The following TTLL5 variants were observed in gnomAD, a reference collection of about 807,000 sequenced individuals.
The protein encoded by TTLL5 is tubulin polyglutamylase TTLL5.
In TTLL5, 132 loss-of-function variants were observed where a neutral mutation model predicts 168.4. The observed-to-expected ratio is 0.78, with a 90% confidence interval of 0.68 to 0.91. TTLL5 has a LOEUF of 0.91. Ranked by LOEUF, TTLL5 falls within the 40% of genes least tolerant of loss-of-function variation. The pLI, the probability that TTLL5 is intolerant of heterozygous loss-of-function variation, is 0.00. For synonymous variants in TTLL5, 546 were observed against 558.6 expected (o/e 0.98, Z 0.32); for missense variants, 1,545 against 1,581.5 (o/e 0.98, Z 0.39).
At chr14:75,766,453 G>A (rs1162330961) in intron 20 of TTLL5, 85 bp downstream of exon 20, 3 of 1,253,006 alleles carry the variant, frequency 2.4e-6, no homozygotes, top group African/African-American at 3.0e-5. Flanking sequence ...TGGTTTTACA[G>A]TCATTTTTCA....
intron 12 of TTLL5, among the ~76,000 whole-genome samples, chr14:75,726,024 A>C (rs942282786): frequency 6.6e-6 from 1 of 152,222 alleles, no homozygotes; most frequent in Non-Finnish European, 1.5e-5. Flanking sequence ...ATAGCATTTC[A>C]GTGACAGTGA....
intron 28 of TTLL5, among the ~76,000 whole-genome samples, chr14:75,835,947 T>A (rs1363440927): frequency 6.6e-6 from 1 of 152,180 alleles, no homozygotes; most frequent in Non-Finnish European, 1.5e-5. Flanking sequence ...CTAGTTGGAA[T>A]GTAATTAGTA....
intron 23 of TTLL5, among the ~76,000 whole-genome samples, chr14:75,777,206 G>A (rs955866431): frequency 8.5e-5 from 13 of 152,200 alleles, no homozygotes; most frequent in South Asian, 2.1e-4. Context: ...CTGCTGGGTA[G>A]CAGGGCTGTA....
At chr14:75,849,689 T>C (rs1896743871) in intron 28 of TTLL5, among the ~76,000 whole-genome samples, 1 of 152,228 alleles carries the variant, frequency 6.6e-6, no homozygotes, top group Non-Finnish European at 1.5e-5. Flanking sequence ...AGAATTACTT[T>C]GGTAAGAGAA....
chr14:75,724,622 T>C (rs542797185), intron 12 of TTLL5, among the ~76,000 whole-genome samples: 2 of 152,116 alleles, frequency 1.3e-5, no homozygotes, highest in Non-Finnish European at 2.9e-5. Context: ...AGTTAGTGAG[T>C]GAAATAACTC....
chr14:75,702,909 T>C (rs1375341809), intron 7 of TTLL5, among the ~76,000 whole-genome samples: 2 of 152,164 alleles, frequency 1.3e-5, no homozygotes, highest in Non-Finnish European at 2.9e-5. Flanking sequence ...GCGGACATAA[T>C]GGGAAAATAC....
intron 28 of TTLL5, among the ~76,000 whole-genome samples, chr14:75,829,716 A>G (rs537672444): frequency 2.0e-4 from 30 of 152,342 alleles, no homozygotes; most frequent in African/African-American, 6.7e-4. Context: ...ATTCAGTCCC[A>G]GGTGTATAGG....
At chr14:75,674,226 G>A (rs188072496) in intron 3 of TTLL5, among the ~76,000 whole-genome samples, 90 of 152,202 alleles carry the variant, frequency 5.9e-4, no homozygotes, top group African/African-American at 2.1e-3. Context: ...ATCTTTCCCA[G>A]TTCCTTGTGG....
chr14:75,744,843 T>C (rs2140258154), intron 15 of TTLL5: 1 of 264,260 alleles, frequency 3.8e-6, no homozygotes, highest in East Asian at 6.7e-5. Context: ...ACCTCATTCT[T>C]TCTTTCTTCT....
chr14:75,910,241 CT>C (rs1000293429), intron 31 of TTLL5, among the ~76,000 whole-genome samples: 16 of 152,312 alleles, frequency 1.1e-4, no homozygotes, highest in Non-Finnish European at 2.4e-4. Context: ...ACAGTGGCCC[CT>C]TTCTCAAATT....
chr14:75,755,649 A>G (rs987271537), intron 18 of TTLL5, among the ~76,000 whole-genome samples: 1 of 152,154 alleles, frequency 6.6e-6, no homozygotes, highest in African/African-American at 2.4e-5. Context: ...TGTCAGTATC[A>G]AGAACCTACC....
intron 31 of TTLL5, chr14:75,906,571 C>T (rs2033156196): frequency 1.0e-6 from 1 of 985,700 alleles, no homozygotes; most frequent in Non-Finnish European, 1.2e-6. Flanking sequence ...TGGATACTCC[C>T]CAAGTTATTT....
At chr14:75,737,986 A>G (rs1889014753) in intron 15 of TTLL5, among the ~76,000 whole-genome samples, 1 of 152,134 alleles carries the variant, frequency 6.6e-6, no homozygotes, top group Admixed American at 6.5e-5. Context: ...ACTGTTGTCT[A>G]TAGCTTAATA....
At chr14:75,929,486 C>G (rs2140164347) in intron 31 of TTLL5, among the ~76,000 whole-genome samples, 1 of 119,934 alleles carries the variant, frequency 8.3e-6, no homozygotes, top group Non-Finnish European at 1.6e-5. Flanking sequence ...GAGTCTCGCT[C>G]TGTCGCCCAG....
At chr14:75,764,800 TC>T (rs1890861859) in intron 19 of TTLL5, 28 bp downstream of exon 19, 2 of 1,613,082 alleles carry the variant, frequency 1.2e-6, no homozygotes, top group East Asian at 2.2e-5. Context: ...TTCACCAAAC[TC>T]CCTTATCTGG....
At chr14:75,839,544 A>G (rs1336143215) in intron 28 of TTLL5, among the ~76,000 whole-genome samples, 1 of 152,214 alleles carries the variant, frequency 6.6e-6, no homozygotes, top group African/African-American at 2.4e-5. Flanking sequence ...GCACCTCTTC[A>G]CAGGGCGGCA....
At chr14:75,887,337 G>A in intron 30 of TTLL5, 1 of 984,942 alleles carries the variant, frequency 1.0e-6, no homozygotes, top group Non-Finnish European at 1.2e-6. Flanking sequence ...TCATTAAAGT[G>A]AGAAGATTTA....
chr14:75,803,456 A>G lies in TTLL5; in HGVS notation c.3171+10356A>G, dbSNP rs766275097. On this transcript the variant is annotated intron_variant, in intron 27 of 31. Coordinates refer to ENST00000298832, the MANE Select transcript of TTLL5 (RefSeq NM_015072.5). ...ATAAAAATATCAAACTTTCCCTGCC[A>G]TGTGAGCAGCGGCCACTTCAAAAAA... is the stretch of plus-strand genomic sequence containing the variant. Among the ~76,000 whole-genome samples, 99 of 152,338 alleles carry G rather than the reference A, an allele frequency of 6.5e-4. No individual in the cohort carries two copies. In the Middle Eastern group the frequency reaches 0.017, roughly 26 times the overall value.
chr14:75,694,625 C>T (rs867995017), intron 6 of TTLL5, among the ~76,000 whole-genome samples: 8 of 152,298 alleles, frequency 5.3e-5, no homozygotes, highest in Middle Eastern at 3.4e-3. Flanking sequence ...TAAGCCACTG[C>T]GCCCAGCCAG....
Sources: allele counts gnomAD v4.1 joint callset (sites outside exome capture counted in the v4.1 genomes callset), GRCh38; gene constraint gnomAD v4.1.1; transcripts MANE v1.5; gene names NCBI Gene and HGNC (gene_info 2026-07-23, HGNC 2026-07-21).